The following GTF2I variants were observed in gnomAD, a reference collection of about 807,000 sequenced individuals.
The protein encoded by GTF2I is general transcription factor II-I.
In GTF2I, 12 loss-of-function variants were observed where a neutral mutation model predicts 67.6. The ratio of observed to expected loss-of-function variants is 0.18; its 90% confidence interval spans 0.11 to 0.29. GTF2I has a LOEUF of 0.29. Ranked by LOEUF, GTF2I falls within the 10% of genes least tolerant of loss-of-function variation. The pLI is 1.00. For missense variants in GTF2I, 271 were observed against 580.1 expected (o/e 0.47, Z 5.47); for synonymous variants, 149 against 197.0 (o/e 0.76, Z 2.04).
At chr7:74,694,020 CAGGTGGAGAATGCGT>C (rs1490553347) in intron 3 of GTF2I, among the ~76,000 whole-genome samples, 1 of 152,098 alleles carries the variant, frequency 6.6e-6, no homozygotes, top group Non-Finnish European at 1.5e-5. Context: ...AACAGGTAGC[CAGGTGGAGAATGCGT>C]AGGAAAAGTT....
chr7:74,732,962 TATA>T (rs1794616449), intron 15 of GTF2I, among the ~76,000 whole-genome samples: 1 of 151,382 alleles, frequency 6.6e-6, no homozygotes, highest in African/African-American at 2.4e-5. Context: ...TTAGGCCTGA[TATA>T]TATATATATT....
chr7:74,683,168 A>G (rs1355929970), intron 1 of GTF2I, among the ~76,000 whole-genome samples: 4 of 152,084 alleles, frequency 2.6e-5, no homozygotes, highest in Non-Finnish European at 5.9e-5. Context: ...AATGACAGAC[A>G]TATGTTTAAT....
intron 3 of GTF2I, among the ~76,000 whole-genome samples, chr7:74,692,731 T>C (rs1788449316): frequency 6.6e-6 from 1 of 152,148 alleles, no homozygotes; most frequent in African/African-American, 2.4e-5. Flanking sequence ...TAGGCACATA[T>C]TATATATGGG....
chr7:74,665,994 C>T (rs1804939714), intron 1 of GTF2I, among the ~76,000 whole-genome samples: 1 of 152,178 alleles, frequency 6.6e-6, no homozygotes. Flanking sequence ...CGTGCGCCAC[C>T]ATGCCCAGCT....
At chr7:74,704,272 A>ATTTATTTG (rs1790274875) in intron 6 of GTF2I, among the ~76,000 whole-genome samples, 1 of 146,198 alleles carries the variant, frequency 6.8e-6, no homozygotes, top group African/African-American at 2.5e-5. Context: ...TATTATTTTT[A>ATTTATTTG]TTTATTTATT....
chr7:74,700,010 C>G, intron 4 of GTF2I: 7 of 441,902 alleles, frequency 1.6e-5, no homozygotes, highest in Non-Finnish European at 2.8e-5. Flanking sequence ...ATTGCTCTCT[C>G]TATGTGTTTT....
chr7:74,670,814 G>A (rs28474707), intron 1 of GTF2I, among the ~76,000 whole-genome samples: 1,806 of 151,834 alleles, frequency 0.012, 33 homozygotes, highest in African/African-American at 0.041. Flanking sequence ...ATCCAACTGA[G>A]TTTTAAATTT....
intron 1 of GTF2I, among the ~76,000 whole-genome samples, chr7:74,677,674 C>CG (rs1554392790): frequency 6.7e-6 from 1 of 148,402 alleles, no homozygotes; most frequent in Non-Finnish European, 1.5e-5. Context: ...CCTAGCTACT[C>CG]GGGAGGCTGA....
intron 1 of GTF2I, among the ~76,000 whole-genome samples, chr7:74,683,866 A>G (rs1787465265): frequency 6.6e-6 from 1 of 152,126 alleles, no homozygotes; most frequent in South Asian, 2.1e-4. Context: ...ACCAAAGAAA[A>G]AAAAAACTTA....
chr7:74,696,524 G>A lies in GTF2I; in HGVS notation c.239-2437G>A, dbSNP rs1460824290. ...TTTTTTTTTTTCGAGACGGAGTCTC[G>A]CTCTGTCGCCCAGGCTAGAGTGCAG... On this transcript the variant is annotated intron_variant, in intron 3 of 34. Transcript: ENST00000573035. Among the ~76,000 whole-genome samples, 9 of 147,308 alleles carry A rather than the reference G, an allele frequency of 6.1e-5. No individual in the cohort carries two copies. In the South Asian group the frequency reaches 1.1e-3, roughly 18 times the overall value.
Position 74,730,666 on chromosome 7 carries a change from G to T in GTF2I, c.1120+372G>T, listed in dbSNP as rs1175164723. ...CTGACAGTTTCTGTTAATCTACTTTGTTAAATCCAGTATTTGCTGAGATCC... is the reference window on the plus strand; with the variant it reads ...CTGACAGTTTCTGTTAATCTACTTTTTTAAATCCAGTATTTGCTGAGATCC... On this transcript the variant is annotated intron_variant, in intron 14 of 34. Transcript: ENST00000573035. Among the ~76,000 whole-genome samples, 3 of 100,124 alleles carry T rather than the reference G, an allele frequency of 3.0e-5. No individual in the cohort carries two copies. In the Admixed American group the frequency reaches 3.0e-4, roughly 10 times the overall value. 65.7% of individuals were successfully genotyped at this position (100,124 alleles called of 152,430 possible).
intron 1 of GTF2I, among the ~76,000 whole-genome samples, chr7:74,662,945 C>T (rs1804653646): frequency 2.0e-5 from 3 of 152,276 alleles, no homozygotes; most frequent in Admixed American, 2.0e-4. Flanking sequence ...GTTGTACACA[C>T]TCCTCAGGGG....
chr7:74,687,636 C>T, intron 1 of GTF2I: 3 of 714,564 alleles, frequency 4.2e-6, no homozygotes, highest in Non-Finnish European at 5.2e-6. Context: ...AGCTAGATCA[C>T]AGTCTTTAAT....
At chr7:74,717,427 CTT>C (rs782076849) in intron 11 of GTF2I, among the ~76,000 whole-genome samples, 23 of 152,272 alleles carry the variant, frequency 1.5e-4, no homozygotes, top group Admixed American at 3.9e-4. Context: ...CCATAAATGA[CTT>C]TGTCAGTTTA....
chr7:74,701,520 G>T (rs1267158858), intron 6 of GTF2I, among the ~76,000 whole-genome samples: 1 of 151,880 alleles, frequency 6.6e-6, no homozygotes, highest in African/African-American at 2.4e-5. Flanking sequence ...GCCAAGGCTG[G>T]AGTGCAGTGG....
At chr7:74,685,583 A>G (rs587688223) in intron 1 of GTF2I, among the ~76,000 whole-genome samples, 2 of 152,218 alleles carry the variant, frequency 1.3e-5, no homozygotes, top group Non-Finnish European at 2.9e-5. Flanking sequence ...CCTGGCCAAC[A>G]TGGCGAAACT....
chr7:74,716,868 T>C, intron 10 of GTF2I, 26 bp from the exon 11 acceptor site: 2 of 1,520,550 alleles, frequency 1.3e-6, no homozygotes, highest in South Asian at 2.3e-5. Context: ...TATTGGTTTA[T>C]TATATGTTGT....
chr7:74,727,281 C>G (rs587738184), intron 12 of GTF2I: 2 of 152,338 alleles, frequency 1.3e-5, no homozygotes, highest in East Asian at 3.9e-4. Flanking sequence ...GTCCAGTCGC[C>G]TTCTAGAAGC....
chr7:74,681,910 CAA>C (rs782315468), intron 1 of GTF2I, among the ~76,000 whole-genome samples: 17 of 119,358 alleles, frequency 1.4e-4, no homozygotes, highest in African/African-American at 1.6e-4. Flanking sequence ...GACTCCGTCT[CAA>C]AAAAAAAAAA....
Sources: allele counts gnomAD v4.1 joint callset (sites outside exome capture counted in the v4.1 genomes callset), GRCh38; gene constraint gnomAD v4.1.1; transcripts MANE v1.5; gene names NCBI Gene and HGNC (gene_info 2026-07-23, HGNC 2026-07-21).